CSMD3: variants seen among roughly 807,000 people sequenced by gnomAD.
CSMD3 encodes CUB and sushi domain-containing protein 3.
A neutral mutation model predicts 435.2 loss-of-function variants in CSMD3; 177 were observed. The observed-to-expected ratio is 0.41, with a 90% CI of 0.36 to 0.46. CSMD3 has a LOEUF of 0.46. CSMD3 is among the 20% of genes least tolerant of loss of function. CSMD3 has a pLI of 0.34. For missense variants in CSMD3, 4,265 were observed against 4,504.6 expected, an observed-to-expected ratio of 0.95 and a Z score of 1.52; for synonymous variants, 1,656 against 1,520.5, an observed-to-expected ratio of 1.09 and a Z score of -2.07.
intron 22 of CSMD3, among the ~76,000 whole-genome samples, chr8:112,601,899 A>G (rs1832380895): frequency 6.6e-6 from 1 of 152,166 alleles, no homozygotes; most frequent in Non-Finnish European, 1.5e-5. Flanking sequence ...CCTAAACCAT[A>G]GGTATTAGGG....
At chr8:113,047,647 T>C (rs2131312484) in intron 5 of CSMD3, among the ~76,000 whole-genome samples, 1 of 152,326 alleles carries the variant, frequency 6.6e-6, no homozygotes, top group South Asian at 2.1e-4. Flanking sequence ...CTTGTGATAA[T>C]CAAAATAAGT....
chr8:112,741,802 T>G (rs978485516), intron 13 of CSMD3, among the ~76,000 whole-genome samples: 3 of 150,962 alleles, frequency 2.0e-5, no homozygotes, highest in African/African-American at 7.3e-5. Flanking sequence ...AGAAGATAGA[T>G]AGATAGATAG....
chr8:112,912,843 A>G lies in CSMD3; in HGVS notation c.1633+8784T>C, dbSNP rs76462829. On this transcript the variant is annotated intron_variant, in intron 10 of 70. Transcript: ENST00000297405. ...GATAAAGGCCTTATGTCCAAAATAT[A>G]TGAGGAATTAAAACATCTTAATGGC... Among the ~76,000 whole-genome samples, 121 of 152,128 alleles carry G rather than the reference A, an allele frequency of 8.0e-4. 1 individual carries two copies. The highest frequency in any genetic ancestry group is 2.7e-3 in the African/African-American group (113 of 41,546).
intron 13 of CSMD3, among the ~76,000 whole-genome samples, chr8:112,772,269 C>T (rs1463465959): frequency 6.6e-6 from 1 of 152,000 alleles, no homozygotes; most frequent in Non-Finnish European, 1.5e-5. Context: ...AAGAAAAATT[C>T]TTCTGCCTTG....
At chr8:112,750,091 C>T (rs528233558) in intron 13 of CSMD3, among the ~76,000 whole-genome samples, 144 of 151,934 alleles carry the variant, frequency 9.5e-4, no homozygotes, top group African/African-American at 3.3e-3. Context: ...GCACATAAGT[C>T]GATGTAGAGT....
At chr8:113,225,643 A>T (rs1336494726) in intron 3 of CSMD3, among the ~76,000 whole-genome samples, 1 of 151,566 alleles carries the variant, frequency 6.6e-6, no homozygotes, top group Non-Finnish European at 1.5e-5. Flanking sequence ...TTAATTACAT[A>T]GACAAATTTC....
At chr8:112,584,226 T>C (rs1382181369) in intron 23 of CSMD3, among the ~76,000 whole-genome samples, 1 of 151,786 alleles carries the variant, frequency 6.6e-6, no homozygotes, top group Non-Finnish European at 1.5e-5. Flanking sequence ...TCATAATTAC[T>C]ACATTGATGG....
intron 32 of CSMD3, among the ~76,000 whole-genome samples, chr8:112,412,382 T>A (rs867808276): frequency 3.8e-4 from 57 of 151,974 alleles, no homozygotes; most frequent in African/African-American, 1.4e-3. Context: ...GTTTCTTCAT[T>A]TCCAAGCACA....
At chr8:113,044,185 T>C (rs1048060410) in intron 5 of CSMD3, among the ~76,000 whole-genome samples, 4 of 152,118 alleles carry the variant, frequency 2.6e-5, no homozygotes, top group African/African-American at 9.7e-5. Flanking sequence ...CAAAGTATTA[T>C]GATACTCTGA....
chr8:112,404,842 AC>A lies in CSMD3; in HGVS notation c.5809+1681del, dbSNP rs1370234139. On this transcript the variant is annotated intron_variant, in intron 35 of 70. Transcript: ENST00000297405. ...GACTATTAAGATTATTAAAATTAAA[AC>A]AAAAATAAAACAAAAATTTTGCTTA... 1.6e-4 allele frequency among the ~76,000 whole-genome samples: 25 copies of A among 151,966 alleles called. 1 individual carries two copies. Among genetic ancestry groups the A allele is most frequent in the Admixed American group, 9.8e-4 (15 of 15,236 alleles).
chr8:112,822,077 G>A (rs2079545880), intron 12 of CSMD3, among the ~76,000 whole-genome samples: 1 of 152,104 alleles, frequency 6.6e-6, no homozygotes. Context: ...TTGAGGTCAG[G>A]TACCATGATG....
Position 112,314,424 on chromosome 8 carries a change from G to C in CSMD3, c.7549+5C>G, listed in dbSNP as rs1822269828. The C allele has an allele frequency of 6.3e-7, 1 of 1,580,628 alleles. No homozygotes were observed. Among genetic ancestry groups the C allele is most frequent in the Admixed American group, 1.7e-5 (1 of 59,902 alleles). Reference sequence around the variant, plus strand: ...GAATATCCAATAAATATAACCCTTGGTTACCATCATACACCTGAAGAACAT... The same window carrying C: ...GAATATCCAATAAATATAACCCTTGCTTACCATCATACACCTGAAGAACAT... On this transcript the variant is annotated splice_donor_5th_base_variant and intron_variant, in intron 48 of 70. Coordinates refer to ENST00000297405, the MANE Select transcript of CSMD3 (RefSeq NM_198123.2).
At chr8:112,726,679 C>A (rs543741537) in intron 13 of CSMD3, among the ~76,000 whole-genome samples, 3 of 151,886 alleles carry the variant, frequency 2.0e-5, no homozygotes, top group Admixed American at 6.6e-5. Flanking sequence ...AGGATTTTAG[C>A]CTTTCCTATT....
At chr8:112,916,016 T>A (rs149510899) in intron 10 of CSMD3, among the ~76,000 whole-genome samples, 2 of 151,736 alleles carry the variant, frequency 1.3e-5, no homozygotes, top group African/African-American at 4.8e-5. Flanking sequence ...TTACAAATAA[T>A]CCCTCATCAA....
intron 3 of CSMD3, among the ~76,000 whole-genome samples, chr8:113,248,560 G>C (rs530745244): frequency 1.4e-5 from 2 of 145,374 alleles, no homozygotes; most frequent in Non-Finnish European, 3.0e-5. Flanking sequence ...ACACACACAT[G>C]TGGAGGAAAT....
chr8:112,483,439 C>T (rs563514413), intron 31 of CSMD3, among the ~76,000 whole-genome samples: 9 of 152,136 alleles, frequency 5.9e-5, no homozygotes, highest in South Asian at 4.1e-4. Context: ...GCCGAGCTTG[C>T]GCCACTGCAC....
intron 32 of CSMD3, among the ~76,000 whole-genome samples, chr8:112,411,677 A>G (rs1029210812): frequency 6.6e-6 from 1 of 152,018 alleles, no homozygotes. Flanking sequence ...AATGAACCTA[A>G]TACTCCCAGT....
At chr8:112,421,959 AAAACAAACAAG>A (rs1812561816) in intron 32 of CSMD3, among the ~76,000 whole-genome samples, 1 of 152,056 alleles carries the variant, frequency 6.6e-6, no homozygotes, top group Admixed American at 6.6e-5. Flanking sequence ...TGCAGATAAA[AAAACAAACAAG>A]ACAACTATCA....
At chr8:113,168,060 A>T (rs2092188037) in intron 4 of CSMD3, among the ~76,000 whole-genome samples, 1 of 152,112 alleles carries the variant, frequency 6.6e-6, no homozygotes, top group South Asian at 2.1e-4. Flanking sequence ...TGACATTTTT[A>T]TATTCAATAG....
Sources: allele counts gnomAD v4.1 joint callset (sites outside exome capture counted in the v4.1 genomes callset), GRCh38; gene constraint gnomAD v4.1.1; transcripts MANE v1.5; gene names NCBI Gene and HGNC (gene_info 2026-07-23, HGNC 2026-07-21).